The following RALYL variants were observed in gnomAD, a reference collection of about 807,000 sequenced individuals.
The protein encoded by RALYL is RNA-binding Raly-like protein.
RALYL carries 29 observed loss-of-function variants against 35.1 expected under a neutral mutation model. That is an observed-to-expected ratio of 0.83 (90% CI 0.61 to 1.13). RALYL has a LOEUF of 1.13. Ranked by LOEUF, RALYL falls within the 50% of genes most tolerant of loss-of-function variation. The probability of loss-of-function intolerance (pLI) is 0.00; values close to 1 mark genes in which losing one functional copy is unlikely to be tolerated. For synonymous variants in RALYL, 120 were observed against 127.6 expected (o/e 0.94, Z 0.40); for missense variants, 359 against 360.4 (o/e 1.00, Z 0.03).
chr8:84,539,262 G>A (rs577329745), intron 2 of RALYL, among the ~76,000 whole-genome samples: 14 of 152,206 alleles, frequency 9.2e-5, no homozygotes, highest in African/African-American at 3.4e-4. Flanking sequence ...AAGATTAAAT[G>A]CATCAATATG....
rs1284107661 is a variant in RALYL at position 84,493,071 on chromosome 8, C to T, written c.-23-36228C>T. On this transcript the variant is annotated intron_variant, in intron 1 of 8. Coordinates refer to ENST00000521268, the MANE Select transcript of RALYL (RefSeq NM_173848.7). Reference sequence around the variant, plus strand: ...TTGTCCTGATGCTCTCCCTTCCCTCCCCTGCCCTGCTGACAGGTCTGGTAT... The same window carrying T: ...TTGTCCTGATGCTCTCCCTTCCCTCTCCTGCCCTGCTGACAGGTCTGGTAT... Among the ~76,000 whole-genome samples, 5 of 152,078 alleles carry T rather than the reference C, an allele frequency of 3.3e-5. 1 individual carries two copies. Among genetic ancestry groups the T allele is most frequent in the Admixed American group, 3.3e-4 (5 of 15,240 alleles).
intron 1 of RALYL, among the ~76,000 whole-genome samples, chr8:84,206,603 T>A (rs2131087020): frequency 6.6e-6 from 1 of 152,308 alleles, no homozygotes; most frequent in African/African-American, 2.4e-5. Flanking sequence ...CAGTAATTGA[T>A]GATGCACTTT....
chr8:84,668,146 G>T (rs1832448991), intron 2 of RALYL, among the ~76,000 whole-genome samples: 1 of 152,140 alleles, frequency 6.6e-6, no homozygotes, highest in Non-Finnish European at 1.5e-5. Context: ...ATGGGGTTCT[G>T]TGTCTGTCAA....
chr8:84,642,535 T>C (rs1360881711), intron 2 of RALYL, among the ~76,000 whole-genome samples: 1 of 152,026 alleles, frequency 6.6e-6, no homozygotes. Context: ...TTTAGAAGAT[T>C]CCACTTAACT....
At chr8:84,310,809 AG>A (rs545458593) in intron 1 of RALYL, among the ~76,000 whole-genome samples, 1,845 of 138,314 alleles carry the variant, frequency 0.013, 135 homozygotes, top group African/African-American at 0.05. Context: ...GCACTTTGGG[AG>A]GCCGAGGCGG....
chr8:84,714,401 T>C (rs930146049), intron 2 of RALYL, among the ~76,000 whole-genome samples: 24 of 151,882 alleles, frequency 1.6e-4, no homozygotes, highest in Non-Finnish European at 2.9e-4. Context: ...GAGTAGATTT[T>C]AAATGTTTTC....
At chr8:84,412,947 GA>G (rs1275437221) in intron 1 of RALYL, among the ~76,000 whole-genome samples, 1 of 151,802 alleles carries the variant, frequency 6.6e-6, no homozygotes, top group East Asian at 1.9e-4. Context: ...GTGGAAGATA[GA>G]AAGCAAATTC....
chr8:84,786,447 A>G (rs1407734326), intron 3 of RALYL, among the ~76,000 whole-genome samples: 4 of 152,156 alleles, frequency 2.6e-5, no homozygotes, highest in Non-Finnish European at 5.9e-5. Context: ...TCCCACCAAC[A>G]GTGTAAAAGA....
chr8:84,778,381 T>A (rs10110917), intron 3 of RALYL, among the ~76,000 whole-genome samples: 5,039 of 152,218 alleles, frequency 0.033, 269 homozygotes, highest in African/African-American at 0.12. Flanking sequence ...AAGGCCTTAT[T>A]ATGTGCTAAG....
chr8:84,635,598 T>C (rs1824893145), intron 2 of RALYL, among the ~76,000 whole-genome samples: 1 of 151,686 alleles, frequency 6.6e-6, no homozygotes, highest in African/African-American at 2.4e-5. Flanking sequence ...CAAAAAAAAA[T>C]CATAAAAACC....
intron 8 of RALYL, among the ~76,000 whole-genome samples, chr8:84,916,494 A>C (rs567062438): frequency 6.6e-6 from 1 of 152,094 alleles, no homozygotes; most frequent in South Asian, 2.1e-4. Context: ...GTGATGGTAC[A>C]TAAGTCTCAT....
intron 1 of RALYL, among the ~76,000 whole-genome samples, chr8:84,395,470 TAA>T (rs1861585929): frequency 6.6e-6 from 1 of 151,952 alleles, no homozygotes; most frequent in African/African-American, 2.4e-5. Flanking sequence ...TATCTTTTTG[TAA>T]AGAGTGCTGA....
chr8:84,277,412 A>C (rs1835621673), intron 1 of RALYL, among the ~76,000 whole-genome samples: 1 of 152,136 alleles, frequency 6.6e-6, no homozygotes. Context: ...ATTAAAGGTG[A>C]GATTTGGGTG....
intron 1 of RALYL, among the ~76,000 whole-genome samples, chr8:84,187,136 G>T (rs1412518874): frequency 1.3e-5 from 2 of 152,016 alleles, no homozygotes; most frequent in African/African-American, 4.8e-5. Flanking sequence ...AATTGGCATT[G>T]GATCACTATC....
intron 2 of RALYL, among the ~76,000 whole-genome samples, chr8:84,588,984 G>A (rs543280475): frequency 1.3e-5 from 2 of 151,746 alleles, no homozygotes; most frequent in Non-Finnish European, 2.9e-5. Flanking sequence ...TGCAACCTCC[G>A]CCTCCTGGGT....
intron 1 of RALYL, among the ~76,000 whole-genome samples, chr8:84,223,401 T>C (rs2131338604): frequency 6.6e-6 from 1 of 152,216 alleles, no homozygotes; most frequent in Non-Finnish European, 1.5e-5. Context: ...GTAAGTCAAA[T>C]AAAAGCATTT....
At chr8:84,792,419 C>T (rs886924605) in intron 3 of RALYL, among the ~76,000 whole-genome samples, 11 of 152,176 alleles carry the variant, frequency 7.2e-5, no homozygotes, top group African/African-American at 2.4e-4. Flanking sequence ...TCTGCTGCAC[C>T]GTTCTGCCTT....
At chr8:84,230,773 T>G (rs1825151427) in intron 1 of RALYL, among the ~76,000 whole-genome samples, 2 of 152,330 alleles carry the variant, frequency 1.3e-5, no homozygotes, top group South Asian at 2.1e-4. Context: ...CTAATAATAT[T>G]CTTGCAAGTT....
chr8:84,466,457 G>A (rs1426665252), intron 1 of RALYL, among the ~76,000 whole-genome samples: 26 of 150,670 alleles, frequency 1.7e-4, no homozygotes, highest in East Asian at 5.9e-4. Flanking sequence ...CTTGATTTGC[G>A]TATATTGAAC....
Sources: gnomAD v4.1 joint callset for allele counts (sites outside exome capture counted in the v4.1 genomes callset) on GRCh38, gnomAD v4.1.1 for gene constraint, MANE v1.5 for transcripts, NCBI Gene and HGNC (gene_info 2026-07-23, HGNC 2026-07-21) for gene names.